PDE11A: variants seen among roughly 807,000 people sequenced by gnomAD.
The protein encoded by PDE11A is dual 3',5'-cyclic-AMP and -GMP phosphodiesterase 11A.
PDE11A carries 100 observed loss-of-function variants against 100.5 expected under a neutral mutation model. That is an observed-to-expected ratio of 1.00 (90% CI 0.85 to 1.18). PDE11A has a LOEUF of 1.18. PDE11A is among the 50% of genes most tolerant of loss of function. The pLI, the probability that PDE11A is intolerant of heterozygous loss-of-function variation, is 0.00. For missense variants in PDE11A, 1,141 were observed against 1,152.6 expected (o/e 0.99, Z 0.15); for synonymous variants, 381 against 420.8 (o/e 0.91, Z 1.16).
intron 14 of PDE11A, among the ~76,000 whole-genome samples, chr2:177,700,523 C>G (rs113498412): frequency 0.017 from 2,603 of 152,090 alleles, 66 homozygotes; most frequent in African/African-American, 0.059. Flanking sequence ...CTGTGGAGAG[C>G]TAAAAGTATA....
chr2:177,656,203 T>C (rs1009960249), intron 19 of PDE11A, among the ~76,000 whole-genome samples: 4 of 152,246 alleles, frequency 2.6e-5, no homozygotes, highest in Admixed American at 2.0e-4. Flanking sequence ...ATGGACCATA[T>C]CTACAACCAT....
chr2:177,794,255 C>T (rs1056046512), intron 9 of PDE11A, among the ~76,000 whole-genome samples: 2 of 152,044 alleles, frequency 1.3e-5, no homozygotes, highest in Non-Finnish European at 2.9e-5. Flanking sequence ...GAGAGCAAGC[C>T]GTGTGGATAT....
At chr2:177,892,036 C>A (rs568370172) in intron 4 of PDE11A, among the ~76,000 whole-genome samples, 1 of 152,284 alleles carries the variant, frequency 6.6e-6, no homozygotes, top group African/African-American at 2.4e-5. Context: ...AAAAGATAAT[C>A]TTGAAGATTA....
intron 5 of PDE11A, among the ~76,000 whole-genome samples, chr2:177,870,480 T>C (rs776114457): frequency 1.3e-5 from 2 of 152,222 alleles, no homozygotes; most frequent in Non-Finnish European, 2.9e-5. Flanking sequence ...TGTCACCAAC[T>C]GTCACTAAGA....
chr2:178,037,506 C>G (rs911462503), intron 1 of PDE11A, among the ~76,000 whole-genome samples: 1 of 152,170 alleles, frequency 6.6e-6, no homozygotes, highest in African/African-American at 2.4e-5. Context: ...CTTGACCCAG[C>G]AATCCCATTA....
At chr2:177,648,522 A>T (rs1431140509) in intron 19 of PDE11A, among the ~76,000 whole-genome samples, 1 of 152,242 alleles carries the variant, frequency 6.6e-6, no homozygotes, top group Non-Finnish European at 1.5e-5. Flanking sequence ...AAAATTAAAT[A>T]AGCAGCCAGT....
chr2:177,830,599 T>C (rs2083292866), intron 6 of PDE11A, among the ~76,000 whole-genome samples: 2 of 89,830 alleles, frequency 2.2e-5, no homozygotes, highest in South Asian at 9.9e-4. Context: ...AGACTCCATC[T>C]CAAATAATAA....
intron 10 of PDE11A, among the ~76,000 whole-genome samples, chr2:177,739,977 T>C (rs2081849218): frequency 6.6e-6 from 1 of 152,236 alleles, no homozygotes; most frequent in Non-Finnish European, 1.5e-5. Flanking sequence ...CTGGATTTAC[T>C]CTTGGCTGGA....
intron 10 of PDE11A, among the ~76,000 whole-genome samples, chr2:177,755,260 G>A (rs939092308): frequency 7.9e-5 from 12 of 152,222 alleles, no homozygotes; most frequent in Non-Finnish European, 2.9e-5. Context: ...CTACTTAGTT[G>A]TGGAAATAGA....
chr2:177,979,647 G>A (rs529236974), intron 2 of PDE11A, among the ~76,000 whole-genome samples: 4 of 119,474 alleles, frequency 3.3e-5, no homozygotes, highest in African/African-American at 1.4e-4. Context: ...GTCTCACTCT[G>A]TCGCCCAGCC....
At chr2:178,023,478 A>C (rs1015904732) in intron 1 of PDE11A, among the ~76,000 whole-genome samples, 3 of 152,148 alleles carry the variant, frequency 2.0e-5, no homozygotes, top group Non-Finnish European at 4.4e-5. Context: ...GTTGCCTAAG[A>C]TCTCTTTTAT....
At chr2:177,819,671 T>C (rs1164766417) in intron 7 of PDE11A, among the ~76,000 whole-genome samples, 1 of 152,004 alleles carries the variant, frequency 6.6e-6, no homozygotes, top group Non-Finnish European at 1.5e-5. Flanking sequence ...AGGCAGAAAA[T>C]GCATGCTCAG....
intron 2 of PDE11A, among the ~76,000 whole-genome samples, chr2:177,978,997 C>T (rs2085842287): frequency 7.6e-6 from 1 of 131,148 alleles, no homozygotes. Context: ...TTAGTGGGTG[C>T]AGCGCACCAG....
intron 1 of PDE11A, chr2:178,018,501 A>G: frequency 2.1e-6 from 1 of 485,468 alleles, no homozygotes; most frequent in East Asian, 5.6e-5. Flanking sequence ...GTAATTCTTA[A>G]CACCTTAAAA....
At chr2:177,713,411 T>A (rs2081385619) in intron 12 of PDE11A, among the ~76,000 whole-genome samples, 1 of 152,108 alleles carries the variant, frequency 6.6e-6, no homozygotes, top group Non-Finnish European at 1.5e-5. Context: ...ATTGGGAGTA[T>A]GAAATAGTCC....
intron 2 of PDE11A, among the ~76,000 whole-genome samples, chr2:177,917,826 G>A (rs1452809143): frequency 1.3e-5 from 2 of 151,924 alleles, no homozygotes; most frequent in African/African-American, 4.8e-5. Context: ...TCATCCAAAT[G>A]CAACACTAAT....
At chr2:177,829,097 G>C (rs1160147460) in intron 6 of PDE11A, among the ~76,000 whole-genome samples, 1 of 152,040 alleles carries the variant, frequency 6.6e-6, no homozygotes, top group Non-Finnish European at 1.5e-5. Context: ...TTCAACATCA[G>C]AGAAAGGGAG....
At chr2:177,758,851 G>A (rs900525895) in intron 10 of PDE11A, among the ~76,000 whole-genome samples, 5 of 152,166 alleles carry the variant, frequency 3.3e-5, no homozygotes, top group East Asian at 1.9e-4. Context: ...CCTCCACCTC[G>A]TGCCTGGGCA....
At chr2:178,059,899 G>A (rs1469480925) in intron 1 of PDE11A, among the ~76,000 whole-genome samples, 1 of 152,206 alleles carries the variant, frequency 6.6e-6, no homozygotes, top group East Asian at 1.9e-4. Context: ...GGATGGGACT[G>A]GGGCTGGGGC....
Sources: gnomAD v4.1 joint callset for allele counts (sites outside exome capture counted in the v4.1 genomes callset) on GRCh38, gnomAD v4.1.1 for gene constraint, MANE v1.5 for transcripts, NCBI Gene and HGNC (gene_info 2026-07-23, HGNC 2026-07-21) for gene names.